COL27A1: variants seen among roughly 807,000 people sequenced by gnomAD.
COL27A1 encodes the protein collagen type XXVII alpha 1 chain, also known as collagen alpha-1(XXVII) chain.
COL27A1 carries 106 observed loss-of-function variants against 251.3 expected under a neutral mutation model. The observed-to-expected ratio is 0.42, with a 90% CI of 0.36 to 0.50. The LOEUF is 0.50. Among genes scored for constraint, COL27A1 ranks in the 20% least tolerant of loss-of-function variants. The pLI is 0.00. For synonymous variants in COL27A1, 1,000 were observed against 986.3 expected (o/e 1.01, Z -0.26); for missense variants, 2,325 against 2,522.8 (o/e 0.92, Z 1.68).
intron 10 of COL27A1, among the ~76,000 whole-genome samples, chr9:114,208,626 A>C (rs988741284): frequency 1.3e-5 from 2 of 152,202 alleles, no homozygotes; most frequent in African/African-American, 4.8e-5. Flanking sequence ...CAAGAGTGGC[A>C]CGCAGATAGT....
chr9:114,162,013 G>A (rs1848527750), intron 1 of COL27A1, among the ~76,000 whole-genome samples: 1 of 152,230 alleles, frequency 6.6e-6, no homozygotes, highest in Non-Finnish European at 1.5e-5. Flanking sequence ...GCTCAGAGAG[G>A]CTGAGCAACT....
chr9:114,275,668 G>T lies in COL27A1; in HGVS notation c.3617G>T (p.Arg1206Met). ...TCATGCCCTGCCACCCAGGGGGACA[G>T]GGGAGACCCAGGGCCTGATGGAGAA... ...PMGPDGLKGDRGDPGPDGEHG... is the reference protein window; with the variant it reads ...PMGPDGLKGDMGDPGPDGEHG... Residue 1206 changes from arginine (R) to methionine (M), a missense_variant, in exon 37 of 61, where the codon AGG becomes ATG. By Grantham distance (91) the Arg-to-Met change is moderately conservative (BLOSUM62 -1). This residue lies in a region of COL27A1 where 662 missense variants were observed against 795.3 expected (regional missense o/e 0.83). Transcript: ENST00000356083. The T allele has an allele frequency of 6.5e-7, 1 of 1,549,118 alleles. No individual in the cohort carries two copies.
intron 13 of COL27A1, among the ~76,000 whole-genome samples, chr9:114,220,355 C>T (rs1051329622): frequency 7.9e-5 from 12 of 152,194 alleles, no homozygotes; most frequent in African/African-American, 2.7e-4. Flanking sequence ...CCTGGGGAGC[C>T]GAGTCTGTCT....
intron 3 of COL27A1, among the ~76,000 whole-genome samples, chr9:114,172,406 A>T (rs2808780): frequency 0.25 from 38,690 of 152,002 alleles, 5,175 homozygotes; most frequent in Middle Eastern, 0.4. Flanking sequence ...TAGCTCTGTG[A>T]CTGATCCATG....
intron 5 of COL27A1, among the ~76,000 whole-genome samples, chr9:114,187,931 A>T (rs1420064878): frequency 6.6e-6 from 1 of 152,234 alleles, no homozygotes; most frequent in African/African-American, 2.4e-5. Flanking sequence ...AGAATTGCTG[A>T]TGTGGTCTCA....
intron 14 of COL27A1, 98 bp downstream of exon 14, chr9:114,222,365 T>G (rs1054627621): frequency 4.4e-6 from 5 of 1,148,640 alleles, no homozygotes; most frequent in Non-Finnish European, 6.3e-6. Context: ...CAGGGGAGGT[T>G]GAAAAGACCC....
intron 8 of COL27A1, among the ~76,000 whole-genome samples, chr9:114,205,451 G>A (rs939798831): frequency 6.6e-6 from 1 of 152,242 alleles, no homozygotes; most frequent in Non-Finnish European, 1.5e-5. Context: ...TCACCGCCAC[G>A]GGGTTTGCAG....
chr9:114,225,602 A>G (rs933346370), intron 14 of COL27A1, among the ~76,000 whole-genome samples: 1 of 152,202 alleles, frequency 6.6e-6, no homozygotes, highest in East Asian at 1.9e-4. Flanking sequence ...CTGGAAAGGA[A>G]AGGAATTTTC....
chr9:114,246,570 TCTC>T (rs1833145592), intron 24 of COL27A1, among the ~76,000 whole-genome samples: 1 of 152,170 alleles, frequency 6.6e-6, no homozygotes, highest in Non-Finnish European at 1.5e-5. Context: ...GAGGTGTTCA[TCTC>T]CTCCACTCCT....
At chr9:114,281,869 G>A (rs953485968) in intron 37 of COL27A1, among the ~76,000 whole-genome samples, 1 of 152,180 alleles carries the variant, frequency 6.6e-6, no homozygotes, top group African/African-American at 2.4e-5. Flanking sequence ...AATGTTCAAG[G>A]TCGTTGGGAG....
At chr9:114,257,447 C>T (rs1222179853) in intron 27 of COL27A1, among the ~76,000 whole-genome samples, 2 of 152,168 alleles carry the variant, frequency 1.3e-5, no homozygotes, top group African/African-American at 4.8e-5. Context: ...CCTCTGCCCT[C>T]TTCAGTTCAT....
chr9:114,285,407 A>G (rs1281661466), intron 41 of COL27A1, among the ~76,000 whole-genome samples: 2 of 152,102 alleles, frequency 1.3e-5, no homozygotes, highest in Non-Finnish European at 2.9e-5. Context: ...GTGTGGTGTC[A>G]CGTCCAAGGC....
At position 114,310,647 on chromosome 9, in the gene COL27A1, A is replaced by T; in HGVS notation, c.5535A>T (p.Ser1845=). 1 of 1,614,132 alleles carries T rather than the reference A, an allele frequency of 6.2e-7. No homozygotes were observed. ...IISVDNLPPA[S]SGKQYRLEVG... ...GTGTGGACAACCTCCCTCCTGCCTC[A>T]TCAGGGAAGCAGTACCGCCTGGAAG... Residue 1845 remains serine, a synonymous_variant, in exon 61 of 61, where the codon TCA becomes TCT. Coordinates refer to ENST00000356083, the MANE Select transcript of COL27A1 (RefSeq NM_032888.4).
In COL27A1 at chr9:114,168,920, C is replaced by T. The variant is rs751335161; in HGVS notation, c.1365C>T (p.Pro455=). Residue 455 remains proline, a synonymous_variant, in exon 3 of 61, where the codon CCC becomes CCT. Transcript: ENST00000356083. ...PTTSSSKKPI[P]TLARTEAKIT... ...CCAGCTCCTCTAAAAAACCCATTCC[C>T]ACACTAGCTCGGACTGAGGCCAAGA... 1.2e-6 allele frequency: 2 copies of T among 1,614,092 alleles called. No individual in the cohort carries two copies. The highest frequency in any genetic ancestry group is 2.2e-5 in the East Asian group (1 of 44,862).
In COL27A1 at chr9:114,178,318, G is replaced by A. The variant is rs1195508674; in HGVS notation, c.1936G>A (p.Gly646Arg). Residue 646 changes from glycine to arginine, a missense_variant, in exon 4 of 61, where the codon GGA becomes AGA. Around this residue, in one of 4 missense-constraint regions of COL27A1, gnomAD observed 1,183 missense variants for 1,144.1 expected, o/e 1.03. Coordinates refer to ENST00000356083, the MANE Select transcript of COL27A1 (RefSeq NM_032888.4). ...PGPPGLPGLP[G>R]IPGARGPRGP... ...TCCCCCTGGGCTACCTGGGCTACCT[G>A]GAATCCCTGGTGCACGTGGGCCTCG... 6.2e-7 allele frequency: 1 copy of A among 1,614,048 alleles called. No homozygotes were observed. The highest frequency in any genetic ancestry group is 8.5e-7 in the Non-Finnish European group (1 of 1,179,974).
Position 114,205,196 on chromosome 9 carries a change from C to T in COL27A1, c.2169+50C>T, listed in dbSNP as rs759281062. The T allele has an allele frequency of 9.7e-6, 15 of 1,549,302 alleles. No homozygotes were observed. In the Admixed American group the frequency reaches 1.2e-4, roughly 12 times the overall value. On this transcript the variant is annotated intron_variant, in intron 8 of 60. Transcript: ENST00000356083. ...CCCTGGTCGCTCTCCCTCCTCCCAG[C>T]CCCTACCTGTCTCTGGCCCCCTCCC...
intron 14 of COL27A1, among the ~76,000 whole-genome samples, chr9:114,230,499 T>G (rs570647975): frequency 6.6e-6 from 1 of 152,320 alleles, no homozygotes. Context: ...TGATCTGATC[T>G]GAAGCTGGGT....
At chr9:114,235,465 A>G in intron 16 of COL27A1, 134 bp from the exon 17 acceptor site, 2 of 769,114 alleles carry the variant, frequency 2.6e-6, no homozygotes, top group Non-Finnish European at 4.8e-6. Context: ...CTTTCCTCTC[A>G]CAAGGCTGCT....
At chr9:114,250,791 G>A in intron 25 of COL27A1, 123 bp downstream of exon 25, 3 of 791,988 alleles carry the variant, frequency 3.8e-6, no homozygotes, top group South Asian at 1.6e-5. Flanking sequence ...CTCCTGACCT[G>A]GCATTCTGAG....
Sources: allele counts gnomAD v4.1 joint callset (sites outside exome capture counted in the v4.1 genomes callset), GRCh38; gene constraint gnomAD v4.1.1; regional missense constraint gnomAD v4.1.1; transcripts MANE v1.5; gene names NCBI Gene and HGNC (gene_info 2026-07-23, HGNC 2026-07-21).